The following ACAP2 variants were observed in gnomAD, a reference collection of about 807,000 sequenced individuals.
The protein encoded by ACAP2 is arf-GAP with coiled-coil, ANK repeat and PH domain-containing protein 2.
Under a neutral mutation model 115.8 loss-of-function variants are expected in ACAP2, and 39 were observed. The ratio of observed to expected loss-of-function variants is 0.34; its 90% CI spans 0.26 to 0.44. The LOEUF (loss-of-function observed/expected upper bound fraction) is 0.44, where lower values mean the gene tolerates loss of function less well. Among genes scored for constraint, ACAP2 ranks in the 20% least tolerant of loss-of-function variants. The probability of loss-of-function intolerance (pLI) is 1.00; values close to 1 mark genes in which losing one functional copy is unlikely to be tolerated. For synonymous variants in ACAP2, 289 were observed against 315.8 expected (o/e 0.92, Z 0.90); for missense variants, 662 against 927.6 (o/e 0.71, Z 3.72).
At chr3:195,307,397 A>ATAT in intron 11 of ACAP2, 74 bp from the exon 12 acceptor site, 1 of 903,628 alleles carries the variant, frequency 1.1e-6, no homozygotes, top group Admixed American at 2.2e-5. Flanking sequence ...ATACTTAAAA[A>ATAT]TATTACTTGG....
intron 1 of ACAP2, among the ~76,000 whole-genome samples, chr3:195,402,874 G>A (rs1712433097): frequency 6.6e-6 from 1 of 152,038 alleles, no homozygotes; most frequent in South Asian, 2.1e-4. Context: ...ACAACAAACG[G>A]CAGCAAATGT....
At chr3:195,382,105 G>A (rs770397398) in intron 2 of ACAP2, 83 bp from the exon 3 acceptor site, 10 of 1,300,740 alleles carry the variant, frequency 7.7e-6, no homozygotes, top group Middle Eastern at 2.1e-4. Flanking sequence ...GTAACTATAT[G>A]AGGTGACCTA....
chr3:195,347,903 T>G lies in ACAP2; in HGVS notation c.286-2586A>C, dbSNP rs1271836792. On this transcript the variant is annotated intron_variant, in intron 4 of 22. Transcript: ENST00000326793. ...GGCACACACTTGTAGTCCTAACTAT[T>G]CAAGAGACTAAGGCAAGAGAATCAC... is the stretch of plus-strand genomic sequence containing the variant. Among the ~76,000 whole-genome samples the G allele has an allele frequency of 2.0e-5, 3 of 151,490 alleles. No homozygotes were observed. The East Asian group carries it at 5.8e-4, about 29-fold the overall frequency.
intron 2 of ACAP2, among the ~76,000 whole-genome samples, chr3:195,389,398 CCA>C (rs1734508416): frequency 6.6e-6 from 1 of 152,210 alleles, no homozygotes; most frequent in South Asian, 2.1e-4. Context: ...AGGTGTCCCA[CCA>C]CAGTGTTTCA....
In ACAP2 at chr3:195,433,892, C is replaced by T. The variant is rs116058203; in HGVS notation, c.53+8903G>A. Among the ~76,000 whole-genome samples, 549 of 152,158 alleles carry T rather than the reference C, an allele frequency of 3.6e-3. 2 individuals are homozygous for T. Among genetic ancestry groups the T allele is most frequent in the Non-Finnish European group, 6.0e-3 (406 of 67,998 alleles). ...TTTGTATCTGCATTCATAAGGAATA[C>T]TGGTCTGTAGGGTTTGTTTGCTTTG... On this transcript the variant is annotated intron_variant, in intron 1 of 22. Transcript: ENST00000326793.
At chr3:195,298,856 C>G (rs189415196) in intron 15 of ACAP2, among the ~76,000 whole-genome samples, 1,963 of 152,236 alleles carry the variant, frequency 0.013, 31 homozygotes, top group African/African-American at 0.043. Flanking sequence ...GTCTTGAACT[C>G]CGGACCTCAG....
intron 1 of ACAP2, among the ~76,000 whole-genome samples, chr3:195,415,511 G>T (rs968588230): frequency 2.6e-5 from 4 of 152,002 alleles, no homozygotes; most frequent in African/African-American, 9.7e-5. Flanking sequence ...TCTTGACCTC[G>T]TGATTTGCTG....
intron 4 of ACAP2, among the ~76,000 whole-genome samples, chr3:195,367,302 T>C (rs567421415): frequency 6.6e-6 from 1 of 152,286 alleles, no homozygotes; most frequent in African/African-American, 2.4e-5. Context: ...GGACCACTCA[T>C]TAAGAATCAG....
At chr3:195,385,859 A>T (rs1734267574) in intron 2 of ACAP2, among the ~76,000 whole-genome samples, 1 of 152,214 alleles carries the variant, frequency 6.6e-6, no homozygotes, top group African/African-American at 2.4e-5. Context: ...AATAGTGGAG[A>T]ATTCTGCAGA....
At chr3:195,375,727 A>C (rs918934042) in intron 4 of ACAP2, among the ~76,000 whole-genome samples, 5 of 152,102 alleles carry the variant, frequency 3.3e-5, no homozygotes, top group Non-Finnish European at 5.9e-5. Flanking sequence ...CTCCTAGGAG[A>C]ATCACTTAAG....
intron 4 of ACAP2, among the ~76,000 whole-genome samples, chr3:195,379,913 G>A (rs1036862864): frequency 1.1e-4 from 16 of 152,156 alleles, no homozygotes; most frequent in African/African-American, 3.6e-4. Context: ...TTAGGGAAAT[G>A]CAAATCAAAA....
At chr3:195,343,272 C>T (rs902657339) in intron 5 of ACAP2, among the ~76,000 whole-genome samples, 2 of 152,110 alleles carry the variant, frequency 1.3e-5, no homozygotes, top group African/African-American at 2.4e-5. Context: ...TTTAACCAAA[C>T]GATTTTTAAA....
intron 4 of ACAP2, among the ~76,000 whole-genome samples, chr3:195,358,008 T>C (rs1187698055): frequency 3.3e-5 from 5 of 152,208 alleles, no homozygotes; most frequent in African/African-American, 1.2e-4. Context: ...ACCACTCCCA[T>C]GATCCATTTA....
At chr3:195,300,044 CTTTTTTTTTTT>C (rs765234326) in intron 15 of ACAP2, among the ~76,000 whole-genome samples, 1,853 of 34,356 alleles carry the variant, frequency 0.054, 34 homozygotes, top group Middle Eastern at 0.12. Context: ...CTTTTTTTTT[CTTTTTTTTTTT>C]TTTTTTTTTG....
chr3:195,411,385 TCCA>T (rs770675546), intron 1 of ACAP2, among the ~76,000 whole-genome samples: 1 of 152,192 alleles, frequency 6.6e-6, no homozygotes, highest in Non-Finnish European at 1.5e-5. Flanking sequence ...AATTCAAGTG[TCCA>T]CCAACAGAAA....
At chr3:195,340,413 A>G (rs1250978885) in intron 6 of ACAP2, among the ~76,000 whole-genome samples, 1 of 152,010 alleles carries the variant, frequency 6.6e-6, no homozygotes, top group African/African-American at 2.4e-5. Context: ...TGGGGAAAAA[A>G]CATTTGGTCA....
At chr3:195,295,071 T>C (rs1727552676) in intron 17 of ACAP2, 1 of 458,008 alleles carries the variant, frequency 2.2e-6, no homozygotes, top group African/African-American at 2.0e-5. Context: ...AGTAAAGAGC[T>C]TAATTTATTA....
chr3:195,349,812 C>A, intron 4 of ACAP2: 1 of 344,654 alleles, frequency 2.9e-6, no homozygotes, highest in South Asian at 2.5e-5. Context: ...AGAAATTTGC[C>A]ATGAAGGAGA....
At position 195,326,935 on chromosome 3, in the gene ACAP2, C is replaced by A. The variant is rs764157270; in HGVS notation, c.694G>T (p.Ala232Ser). Residue 232 changes from alanine (A) to serine (S), a missense_variant, in exon 9 of 23, where the codon GCA (alanine) becomes TCA (serine). Ala to Ser is a moderately conservative substitution (Grantham distance 99). This residue lies in a region of ACAP2 where 401 missense variants were observed against 604.4 expected (regional missense o/e 0.66). Coordinates refer to ENST00000326793, the MANE Select transcript of ACAP2 (RefSeq NM_012287.6). ...AQLDRLVVDA[A>S]KEKREMEQKH... ...TGCTCCATTTCTCTTTTCTCCTTTG[C>A]TGCATCCACAACCAGTCGATCCAAC... 3 of 1,613,912 alleles carry A rather than the reference C, an allele frequency of 1.9e-6. No homozygotes were observed. The highest frequency in any genetic ancestry group is 2.5e-6 in the Non-Finnish European group (3 of 1,179,938).
Sources: gnomAD v4.1 joint callset for allele counts (sites outside exome capture counted in the v4.1 genomes callset) on GRCh38, gnomAD v4.1.1 for gene constraint, gnomAD v4.1.1 regional missense constraint, MANE v1.5 for transcripts, NCBI Gene and HGNC (gene_info 2026-07-23, HGNC 2026-07-21) for gene names.